Variants in RASSF5 observed in about 807,000 individuals in gnomAD.
The protein encoded by RASSF5 is ras association domain-containing protein 5.
Under a neutral mutation model 40.5 loss-of-function variants are expected in RASSF5, and 25 were observed. The ratio of observed to expected loss-of-function variants is 0.62; its 90% confidence interval spans 0.45 to 0.86. RASSF5 has a LOEUF of 0.86. RASSF5 is among the 40% of genes least tolerant of loss of function. The pLI is 0.00. For missense variants in RASSF5, 521 were observed against 572.8 expected (o/e 0.91, Z 0.92); for synonymous variants, 246 against 252.4 (o/e 0.97, Z 0.24).
chr1:206,586,814 C>T lies in RASSF5; in HGVS notation c.1105-12C>T. On this transcript the variant is annotated splice_polypyrimidine_tract_variant and intron_variant, in intron 5 of 5. Transcript: ENST00000579436. ...TCTGTTTCTTCCCACAAATCTCCCT[C>T]TCGCCTCACAGTGGGATGCCTTCTC... 6.2e-7 allele frequency: 1 copy of T among 1,609,518 alleles called. No homozygotes were observed. Among genetic ancestry groups the T allele is most frequent in the Non-Finnish European group, 8.5e-7 (1 of 1,176,678 alleles).
At chr1:206,515,389 C>T (rs773687561) in intron 1 of RASSF5, among the ~76,000 whole-genome samples, 3 of 152,126 alleles carry the variant, frequency 2.0e-5, no homozygotes, top group Admixed American at 6.5e-5. Flanking sequence ...TGTCTCTCCC[C>T]GCTCCCACCT....
chr1:206,561,961 C>T (rs1207988250), intron 2 of RASSF5, among the ~76,000 whole-genome samples: 1 of 151,972 alleles, frequency 6.6e-6, no homozygotes, highest in African/African-American at 2.4e-5. Context: ...AGCCACCGCA[C>T]CCGGCCTATA....
chr1:206,570,178 G>A (rs1184842590), intron 2 of RASSF5, among the ~76,000 whole-genome samples: 1 of 142,858 alleles, frequency 7.0e-6, no homozygotes, highest in Non-Finnish European at 1.5e-5. Flanking sequence ...TGTAACCTCT[G>A]CCTCCCAGGT....
At chr1:206,577,852 T>A (rs1668712171) in intron 2 of RASSF5, among the ~76,000 whole-genome samples, 1 of 152,132 alleles carries the variant, frequency 6.6e-6, no homozygotes, top group South Asian at 2.1e-4. Context: ...AGAGAACAAA[T>A]TGAAGTATGA....
At chr1:206,583,681 A>G in intron 3 of RASSF5, 1 of 352,976 alleles carries the variant, frequency 2.8e-6, no homozygotes, top group East Asian at 6.7e-5. Context: ...CCAAGGGCCC[A>G]GTATTGCTTG....
In RASSF5 at chr1:206,546,977, G is replaced by A. The variant is rs1553400282; in HGVS notation, c.579+8684G>A. 2.6e-5 allele frequency among the ~76,000 whole-genome samples: 4 copies of A among 152,110 alleles called. No homozygotes were observed. The South Asian group carries it at 8.3e-4, about 32-fold the overall frequency. On this transcript the variant is annotated intron_variant, in intron 2 of 5. Coordinates refer to ENST00000579436, the MANE Select transcript of RASSF5 (RefSeq NM_182663.4). ...ATGATACTATGCCATGTCATGTATA[G>A]TATAAAACCCTGGCTAGGCACAGTG...
chr1:206,553,665 G>C (rs182184572), intron 2 of RASSF5, among the ~76,000 whole-genome samples: 148 of 152,328 alleles, frequency 9.7e-4, no homozygotes, highest in African/African-American at 3.3e-3. Flanking sequence ...GTTGATACCA[G>C]TGGCATAGGT....
intron 1 of RASSF5, among the ~76,000 whole-genome samples, chr1:206,511,903 GA>G (rs2103499960): frequency 6.6e-6 from 1 of 152,220 alleles, no homozygotes; most frequent in Non-Finnish European, 1.5e-5. Flanking sequence ...GGTTCTTTGT[GA>G]AAAAGGCTCC....
intron 1 of RASSF5, among the ~76,000 whole-genome samples, chr1:206,515,933 G>T (rs1291445374): frequency 6.6e-6 from 1 of 152,186 alleles, no homozygotes; most frequent in East Asian, 1.9e-4. Context: ...TATTCAACTG[G>T]AACAGATTCC....
rs782028367 is a variant in RASSF5, at chr1:206,587,042, C to T, written c.*64C>T. On this transcript the variant is annotated 3_prime_UTR_variant, in exon 6 of 6. Transcript: ENST00000579436. ...ATTTGTATTATTAATTATTATTTTG[C>T]AACAGACACTTTTTCTCAGGACATC... The T allele has an allele frequency of 3.8e-6, 6 of 1,582,150 alleles. No homozygotes were observed. The highest frequency in any genetic ancestry group is 5.2e-6 in the Non-Finnish European group (6 of 1,160,934).
At chr1:206,533,890 T>C (rs1212906314) in intron 1 of RASSF5, among the ~76,000 whole-genome samples, 2 of 152,114 alleles carry the variant, frequency 1.3e-5, no homozygotes, top group African/African-American at 2.4e-5. Flanking sequence ...TGACTGGTAT[T>C]CTTATAAGAA....
chr1:206,520,489 C>A (rs1014356984), intron 1 of RASSF5, among the ~76,000 whole-genome samples: 1 of 152,030 alleles, frequency 6.6e-6, no homozygotes, highest in Non-Finnish European at 1.5e-5. Flanking sequence ...CACCTGTAAT[C>A]CCAGCTACTC....
rs1298499313 is a variant in RASSF5, at chr1:206,507,531, C to T, written c.-72C>T. 1.6e-6 allele frequency: 2 copies of T among 1,215,788 alleles called. No homozygotes were observed. The highest frequency in any genetic ancestry group is 2.2e-6 in the Non-Finnish European group (2 of 926,264). The allele number at this position is 1,215,788 out of a possible 1,614,324, so 75.3% of individuals were successfully genotyped here. ...GCGCGCTGGTGTGGGGCGGCCCCTTCTCTCGGGGCTGGCTCGGGAGTAGCG... is the reference window on the plus strand; with the variant it reads ...GCGCGCTGGTGTGGGGCGGCCCCTTTTCTCGGGGCTGGCTCGGGAGTAGCG... On this transcript the variant is annotated 5_prime_UTR_variant, in exon 1 of 6. Transcript: ENST00000579436.
At chr1:206,523,710 T>C (rs1172184388) in intron 1 of RASSF5, among the ~76,000 whole-genome samples, 1 of 62,832 alleles carries the variant, frequency 1.6e-5, no homozygotes, top group African/African-American at 7.7e-5. Flanking sequence ...TATTTATATA[T>C]TATACAATAT....
rs79250278 is a variant in RASSF5, at chr1:206,525,386, C to A, written c.458-12786C>A. On this transcript the variant is annotated intron_variant, in intron 1 of 5. Coordinates refer to ENST00000579436, the MANE Select transcript of RASSF5 (RefSeq NM_182663.4). ...AGAATAAATCACTGATACATTAGAT[C>A]CAGGGACCCAGGTTCCAGAAAGAAT... Among the ~76,000 whole-genome samples the A allele has an allele frequency of 5.9e-3, 905 of 152,254 alleles. 8 individuals carry two copies. The highest frequency in any genetic ancestry group is 0.02 in the African/African-American group (836 of 41,540).
rs148094178 is a variant in RASSF5, at chr1:206,513,910, C to T, written c.457+5851C>T. On this transcript the variant is annotated intron_variant, in intron 1 of 5. Transcript: ENST00000579436. This position sits in a 1 kb window ranked among gnomAD's most constrained non-coding sequence, Gnocchi z 5.0. ...GGAGCAGTCATGGGTTGCCCCACCC[C>T]AAGGTCAAGACTATCTTGACTCACA... Among the ~76,000 whole-genome samples the T allele has an allele frequency of 6.6e-6, 1 of 152,320 alleles. No homozygotes were observed. The highest frequency in any genetic ancestry group is 1.9e-4 in the East Asian group (1 of 5,170).
At chr1:206,527,643 C>T (rs1393408499) in intron 1 of RASSF5, among the ~76,000 whole-genome samples, 1 of 152,156 alleles carries the variant, frequency 6.6e-6, no homozygotes, top group African/African-American at 2.4e-5. Flanking sequence ...TGTGAAGTGG[C>T]ACATCCCAGG....
chr1:206,566,885 G>A lies in RASSF5; in HGVS notation c.580-16384G>A, dbSNP rs531008260. On this transcript the variant is annotated intron_variant, in intron 2 of 5. Transcript: ENST00000579436. ...TGTTCATCACTGTGTCCCCTGGCAC[G>A]TGGTAAGTGCTTAATGTGGGTTTGA... Among the ~76,000 whole-genome samples the A allele has an allele frequency of 3.3e-5, 5 of 152,286 alleles. No individual in the cohort carries two copies. The East Asian group carries it at 5.8e-4, about 18-fold the overall frequency.
intron 2 of RASSF5, among the ~76,000 whole-genome samples, chr1:206,566,742 G>C (rs1668298941): frequency 6.6e-6 from 1 of 152,140 alleles, no homozygotes; most frequent in African/African-American, 2.4e-5. Context: ...GTGTTAGAGG[G>C]CATTTCCAGT....
Sources: allele counts gnomAD v4.1 joint callset (sites outside exome capture counted in the v4.1 genomes callset), GRCh38; gene constraint gnomAD v4.1.1; non-coding constraint Gnocchi (gnomAD v3.1); transcripts MANE v1.5; gene names NCBI Gene and HGNC (gene_info 2026-07-23, HGNC 2026-07-21).